The following FLT4 variants were observed in gnomAD, a reference collection of about 807,000 sequenced individuals.
FLT4 encodes fms related receptor tyrosine kinase 4, also known as vascular endothelial growth factor receptor 3.
In FLT4, 30 loss-of-function variants were observed where a neutral mutation model predicts 163.2. The observed-to-expected ratio is 0.18, with a 90% CI of 0.14 to 0.25. The LOEUF is 0.25. Ranked by LOEUF, FLT4 falls within the 10% of genes least tolerant of loss-of-function variation. FLT4 has a pLI of 1.00. For missense variants in FLT4, 1,510 were observed against 1,863.8 expected, an observed-to-expected ratio of 0.81 and a Z score of 3.50; for synonymous variants, 884 against 789.5, an observed-to-expected ratio of 1.12 and a Z score of -2.01.
At position 180,630,910 on chromosome 5, in the gene FLT4, G is replaced by GAAC. The variant is rs1354240295; in HGVS notation, c.156-114_156-112dup. 1.1e-5 allele frequency: 14 copies of GAAC among 1,321,116 alleles called. No individual in the cohort carries two copies. The highest frequency in any genetic ancestry group is 2.4e-5 in the Admixed American group (1 of 41,238). The allele number at this position is 1,321,116 out of a possible 1,614,324, so 81.8% of individuals were successfully genotyped here. ...CCAGGTTTGTCTTACCCAGAGCATGGAACTGCCCAGGGTTTGGGCGCACAC... is the reference window on the plus strand; with the variant it reads ...CCAGGTTTGTCTTACCCAGAGCATGGAACAACTGCCCAGGGTTTGGGCGCACAC... On this transcript the variant is annotated intron_variant, in intron 2 of 29. Coordinates refer to ENST00000261937, the MANE Select transcript of FLT4 (RefSeq NM_182925.5). This position sits in a 1 kb window ranked among gnomAD's most constrained non-coding sequence, Gnocchi z 6.3.
rs1765647743 is a variant in FLT4, at chr5:180,649,566, T to A, written c.-21A>T. The A allele has an allele frequency of 7.2e-7, 1 of 1,385,000 alleles. No homozygotes were observed. Among genetic ancestry groups the A allele is most frequent in the Non-Finnish European group, 9.4e-7 (1 of 1,064,980 alleles). 85.8% of individuals were successfully genotyped at this position (1,385,000 alleles called of 1,614,324 possible). On this transcript the variant is annotated 5_prime_UTR_variant, in exon 1 of 30. Coordinates refer to ENST00000261937, the MANE Select transcript of FLT4 (RefSeq NM_182925.5). Reference sequence around the variant, plus strand: ...TGCATCTCCGGCCGCTGCGCGTGGGTCCGACCCGAGCGGCCGCGGCTCGGG... The same window carrying A: ...TGCATCTCCGGCCGCTGCGCGTGGGACCGACCCGAGCGGCCGCGGCTCGGG...
rs1163643373 is a variant in FLT4 at position 180,620,160 on chromosome 5, G to C, written c.2542+13C>G. On this transcript the variant is annotated intron_variant, in intron 17 of 29. Transcript: ENST00000261937. The surrounding 1 kb of genome is among the most constrained non-coding windows in gnomAD (Gnocchi z 4.4). Reference sequence around the variant, plus strand: ...CAGGAGGTGTGGGTTGGGCAGGCTGGTGCTGGCCTCACCCAGGTGCAGCCG... The same window carrying C: ...CAGGAGGTGTGGGTTGGGCAGGCTGCTGCTGGCCTCACCCAGGTGCAGCCG... 6.2e-7 allele frequency: 1 copy of C among 1,603,652 alleles called. No homozygotes were observed. Among genetic ancestry groups the C allele is most frequent in the African/African-American group, 1.3e-5 (1 of 74,982 alleles).
chr5:180,619,556 G>T, intron 18 of FLT4, 109 bp downstream of exon 18: 1 of 1,050,186 alleles, frequency 9.5e-7, no homozygotes, highest in South Asian at 1.3e-5. Flanking sequence ...TCTCGGATGA[G>T]ACTGGCTTCC....
At chr5:180,631,460 G>T (rs559135800) in intron 2 of FLT4, among the ~76,000 whole-genome samples, 1 of 151,860 alleles carries the variant, frequency 6.6e-6, no homozygotes, top group Admixed American at 6.6e-5. Flanking sequence ...GTGACAGAGT[G>T]AGACTCCATC....
intron 8 of FLT4, among the ~76,000 whole-genome samples, chr5:180,627,771 G>T (rs1467533741): frequency 6.6e-6 from 1 of 152,210 alleles, no homozygotes; most frequent in Non-Finnish European, 1.5e-5. Context: ...AGTAATGGTG[G>T]CCTTGGAGGG....
chr5:180,631,877 G>A, intron 1 of FLT4, 99 bp from the exon 2 acceptor site: 3 of 838,152 alleles, frequency 3.6e-6, no homozygotes, highest in Non-Finnish European at 5.9e-6. Flanking sequence ...GCAGACCCCT[G>A]CAGGGCCGGA....
chr5:180,641,354 C>A (rs1331726783), intron 1 of FLT4, among the ~76,000 whole-genome samples: 1 of 152,256 alleles, frequency 6.6e-6, no homozygotes, highest in Non-Finnish European at 1.5e-5. Flanking sequence ...GGCCCCTCCA[C>A]ATTGGCAGAG....
chr5:180,607,638 C>CA (rs36124722), intron 29 of FLT4, among the ~76,000 whole-genome samples: 42,866 of 131,292 alleles, frequency 0.33, 6,833 homozygotes, highest in Middle Eastern at 0.41. Flanking sequence ...GAGACTGTCT[C>CA]AAAAAAAAAA....
Position 180,620,186 on chromosome 5 carries a change from C to T in FLT4, c.2529G>A (p.Glu843=), listed in dbSNP as rs201756397. 24 of 1,608,118 alleles carry T rather than the reference C, an allele frequency of 1.5e-5. No individual in the cohort carries two copies. The highest frequency in any genetic ancestry group is 4.2e-6 in the Non-Finnish European group (5 of 1,179,760). Residue 843 remains glutamate, a synonymous_variant, in exon 17 of 30, where the codon GAG becomes GAA. Coordinates refer to ENST00000261937, the MANE Select transcript of FLT4 (RefSeq NM_182925.5). This position sits in a 1 kb window ranked among gnomAD's most constrained non-coding sequence, Gnocchi z 4.4. ...YDASQWEFPR[E]RLHLGRVLGY... ...TGCTGGCCTCACCCAGGTGCAGCCG[C>T]TCTCGGGGGAATTCCCACTGGCTGG...
chr5:180,633,517 C>G (rs1764329283), intron 1 of FLT4, among the ~76,000 whole-genome samples: 1 of 152,182 alleles, frequency 6.6e-6, no homozygotes, highest in Non-Finnish European at 1.5e-5. Context: ...GGCCTGGGCA[C>G]TGGCAGCCCG....
At chr5:180,612,349 TG>T in intron 26 of FLT4, 156 bp downstream of exon 26, 2 of 675,066 alleles carry the variant, frequency 3.0e-6, no homozygotes, top group Non-Finnish European at 5.4e-6. Context: ...TGCAAGGGTG[TG>T]GGGACGAGGT....
At chr5:180,629,029 C>G in intron 7 of FLT4, 30 bp from the exon 8 acceptor site, 1 of 1,579,308 alleles carries the variant, frequency 6.3e-7, no homozygotes, top group Non-Finnish European at 8.7e-7. Context: ...ACTGTAAATC[C>G]AGGACTGACC....
chr5:180,625,786 AG>A, intron 10 of FLT4, 82 bp downstream of exon 10: 1 of 1,296,760 alleles, frequency 7.7e-7, no homozygotes, highest in Non-Finnish European at 1.1e-6. Context: ...CTGGGCAGTG[AG>A]GGGTGCTGTA....
rs775156722 is a variant in FLT4, at chr5:180,626,193, G to C, written c.1176C>G (p.Ala392=). 7.4e-6 allele frequency: 12 copies of C among 1,612,746 alleles called. 1 individual carries two copies. In the South Asian group the frequency reaches 1.3e-4, roughly 18 times the overall value. ...GGGCGAGGGTGTAGGTGCCTGTGCTGGCCTCTGTCACCTCCTTGAGCACCA... is the reference window on the plus strand; with the variant it reads ...GGGCGAGGGTGTAGGTGCCTGTGCTCGCCTCTGTCACCTCCTTGAGCACCA... ...HALVLKEVTE[A]STGTYTLALW... The change falls in exon 9 of 30, where the codon GCC becomes GCG. Residue 392 remains alanine, a synonymous_variant. Coordinates refer to ENST00000261937, the MANE Select transcript of FLT4 (RefSeq NM_182925.5).
At chr5:180,609,850 G>T in intron 28 of FLT4, 55 bp downstream of exon 28, 1 of 1,608,930 alleles carries the variant, frequency 6.2e-7, no homozygotes, top group Non-Finnish European at 8.5e-7. Context: ...TGCCTCCCCT[G>T]AGGCGGCCCC....
chr5:180,610,840 G>A (rs980813561), intron 27 of FLT4, among the ~76,000 whole-genome samples: 3 of 152,132 alleles, frequency 2.0e-5, no homozygotes, highest in African/African-American at 7.2e-5. Flanking sequence ...GGCAGATCAC[G>A]AGGTCAGGAG....
intron 10 of FLT4, among the ~76,000 whole-genome samples, chr5:180,625,119 T>C (rs1259901086): frequency 6.6e-6 from 1 of 152,182 alleles, no homozygotes; most frequent in Non-Finnish European, 1.5e-5. Context: ...CCATGTAGGT[T>C]CCCAGCTCCC....
chr5:180,626,711 T>C (rs1763645718), intron 8 of FLT4, among the ~76,000 whole-genome samples: 1 of 152,188 alleles, frequency 6.6e-6, no homozygotes, highest in African/African-American at 2.4e-5. Context: ...CCCCGTCCTC[T>C]TTCTTAGACA....
intron 1 of FLT4, among the ~76,000 whole-genome samples, chr5:180,647,265 AC>A (rs1765533365): frequency 6.6e-6 from 1 of 152,168 alleles, no homozygotes; most frequent in Non-Finnish European, 1.5e-5. Context: ...AGACTGTGGA[AC>A]TGCAGCAGGC....
Sources: allele counts gnomAD v4.1 joint callset (sites outside exome capture counted in the v4.1 genomes callset), GRCh38; gene constraint gnomAD v4.1.1; non-coding constraint Gnocchi (gnomAD v3.1); transcripts MANE v1.5; gene names NCBI Gene and HGNC (gene_info 2026-07-23, HGNC 2026-07-21).